Variants in FHIP1A observed in about 807,000 individuals in gnomAD.
The protein encoded by FHIP1A is FHF complex subunit HOOK-interacting protein 1A.
In FHIP1A, 61 loss-of-function variants were observed where a neutral mutation model predicts 88.6. The ratio of observed to expected loss-of-function variants is 0.69; its 90% confidence interval spans 0.56 to 0.85. The LOEUF (loss-of-function observed/expected upper bound fraction) is 0.85. Among genes scored for constraint, FHIP1A ranks in the 40% least tolerant of loss-of-function variants. The pLI is 0.00. For synonymous variants in FHIP1A, 478 were observed against 496.0 expected (o/e 0.96, Z 0.48); for missense variants, 1,154 against 1,273.5 (o/e 0.91, Z 1.43).
intron 5 of FHIP1A, among the ~76,000 whole-genome samples, chr4:151,578,933 G>C (rs1733921258): frequency 6.6e-6 from 1 of 152,136 alleles, no homozygotes; most frequent in Non-Finnish European, 1.5e-5. Context: ...AAATGAGCTG[G>C]TAAGCCATGA....
intron 1 of FHIP1A, among the ~76,000 whole-genome samples, chr4:151,414,875 T>C (rs186218836): frequency 1.8e-3 from 280 of 152,344 alleles, no homozygotes; most frequent in Non-Finnish European, 3.2e-3. Flanking sequence ...TGATACATAT[T>C]ATTCAAATTC....
intron 9 of FHIP1A, among the ~76,000 whole-genome samples, chr4:151,645,189 G>A (rs1736744216): frequency 6.6e-6 from 1 of 152,134 alleles, no homozygotes; most frequent in South Asian, 2.1e-4. Context: ...CTGACAGCAG[G>A]TTCAAAATAT....
Position 151,574,044 on chromosome 4 carries a change from C to T in FHIP1A, c.106-3406C>T, listed in dbSNP as rs142681147. 4.6e-5 allele frequency among the ~76,000 whole-genome samples: 7 copies of T among 152,164 alleles called. No individual in the cohort carries two copies. In the East Asian group the frequency reaches 5.8e-4, roughly 13 times the overall value. On this transcript the variant is annotated intron_variant, in intron 4 of 13. Transcript: ENST00000435205. ...GTCCCAAGGTTGGGCCACCAGAGCC[C>T]GCTTGTAAAAGCAGGTCATGGGTGT...
At chr4:151,486,251 C>G (rs1730078144) in intron 3 of FHIP1A, among the ~76,000 whole-genome samples, 1 of 152,080 alleles carries the variant, frequency 6.6e-6, no homozygotes, top group Admixed American at 6.5e-5. Context: ...TTGGGGACCC[C>G]CTGCTCTAGG....
At chr4:151,501,923 A>G (rs1317060589) in intron 3 of FHIP1A, among the ~76,000 whole-genome samples, 1 of 151,822 alleles carries the variant, frequency 6.6e-6, no homozygotes, top group Non-Finnish European at 1.5e-5. Context: ...GAAAAACAGA[A>G]ATGGACAGAA....
rs1055104300 is a variant in FHIP1A at position 151,668,453 on chromosome 4, T to G, written c.*5699T>G. On this transcript the variant is annotated 3_prime_UTR_variant, in exon 14 of 14. Coordinates refer to ENST00000435205, the MANE Select transcript of FHIP1A (RefSeq NM_001109977.3). ...ATTATTTTAGCAATAATTACTAAAA[T>G]GTACATGGGGTGGGGGAGCTCAGCT... is the stretch of plus-strand genomic sequence containing the variant. Among the ~76,000 whole-genome samples the G allele has an allele frequency of 2.6e-5, 4 of 152,180 alleles. No homozygotes were observed. The highest frequency in any genetic ancestry group is 5.9e-5 in the Non-Finnish European group (4 of 68,034).
chr4:151,613,404 A>G (rs1369166286), intron 7 of FHIP1A, among the ~76,000 whole-genome samples: 2 of 152,318 alleles, frequency 1.3e-5, no homozygotes, highest in African/African-American at 4.8e-5. Context: ...GTGGTAGAAG[A>G]CAATATCTGT....
At chr4:151,592,715 G>A (rs1057283295) in intron 7 of FHIP1A, among the ~76,000 whole-genome samples, 2 of 152,078 alleles carry the variant, frequency 1.3e-5, no homozygotes, top group East Asian at 3.9e-4. Context: ...TGTAGGTTGC[G>A]TGTTCACTCT....
At position 151,662,715 on chromosome 4, in the gene FHIP1A, C is replaced by T. The variant is rs374404250; in HGVS notation, c.3084C>T (p.Cys1028=). The T allele has an allele frequency of 3.9e-6, 6 of 1,546,672 alleles. No homozygotes were observed. The Middle Eastern group carries it at 5.0e-4, about 130-fold the overall frequency. ...TGGCCCAGGAACACTCCATTCTGTGCTACAAGATCTTGGGTGACTTTGAGG... is the reference window on the plus strand; with the variant it reads ...TGGCCCAGGAACACTCCATTCTGTGTTACAAGATCTTGGGTGACTTTGAGG... ...AALAQEHSIL[C]YKILGDFEDS... is the part of the protein sequence containing the mutation. The change falls in exon 14 of 14, where the codon TGC becomes TGT. Residue 1028 remains cysteine, a synonymous_variant. Transcript: ENST00000435205.
chr4:151,657,339 C>G (rs1171175551), intron 13 of FHIP1A, among the ~76,000 whole-genome samples: 1 of 151,950 alleles, frequency 6.6e-6, no homozygotes, highest in Non-Finnish European at 1.5e-5. Flanking sequence ...TGCTTTAGGG[C>G]CCTAGGAGGT....
At chr4:151,481,751 G>A (rs1310601013) in intron 2 of FHIP1A, among the ~76,000 whole-genome samples, 2 of 152,020 alleles carry the variant, frequency 1.3e-5, no homozygotes, top group Non-Finnish European at 2.9e-5. Flanking sequence ...ATCAAATAGT[G>A]GCTTCTTGTG....
At chr4:151,561,146 C>G (rs1472705433) in intron 3 of FHIP1A, among the ~76,000 whole-genome samples, 1 of 152,056 alleles carries the variant, frequency 6.6e-6, no homozygotes, top group African/African-American at 2.4e-5. Flanking sequence ...ATGTATTTTC[C>G]AAAGCTGGAA....
rs1491360195 is a variant in FHIP1A, at chr4:151,661,409, T to TTG, written c.2870-1091_2870-1090insGT. Among the ~76,000 whole-genome samples, 342 of 85,890 alleles carry TTG rather than the reference T, an allele frequency of 4.0e-3. 2 individuals carry two copies. Among genetic ancestry groups the TTG allele is most frequent in the African/African-American group, 0.022 (332 of 15,246 alleles). 56.3% of individuals were successfully genotyped at this position (85,890 alleles called of 152,430 possible). On this transcript the variant is annotated intron_variant, in intron 13 of 13. Coordinates refer to ENST00000435205, the MANE Select transcript of FHIP1A (RefSeq NM_001109977.3). ...ATTTAAAGCAGTCAAGTGGAAGTTG[T>TTG]TTTTTTTTTTTTTTTTTAACACTAA...
chr4:151,478,200 T>G (rs1442080536), intron 2 of FHIP1A, among the ~76,000 whole-genome samples: 1 of 152,194 alleles, frequency 6.6e-6, no homozygotes, highest in Non-Finnish European at 1.5e-5. Flanking sequence ...GTGAATTCTC[T>G]TTAGGTACCA....
intron 1 of FHIP1A, among the ~76,000 whole-genome samples, chr4:151,435,987 T>G (rs944599006): frequency 1.3e-5 from 2 of 152,190 alleles, no homozygotes; most frequent in African/African-American, 4.8e-5. Context: ...TGTGATTTAA[T>G]TTGTATAAGA....
chr4:151,644,671 A>T (rs563221907), intron 9 of FHIP1A, among the ~76,000 whole-genome samples: 2 of 152,240 alleles, frequency 1.3e-5, no homozygotes, highest in African/African-American at 2.4e-5. Flanking sequence ...GGAGTCTTAA[A>T]TATATGCATG....
intron 3 of FHIP1A, among the ~76,000 whole-genome samples, chr4:151,515,490 A>G (rs1436992764): frequency 6.6e-5 from 10 of 152,112 alleles, no homozygotes; most frequent in Non-Finnish European, 1.3e-4. Flanking sequence ...AGGGTATTCA[A>G]TTAGGAAAAG....
intron 3 of FHIP1A, among the ~76,000 whole-genome samples, chr4:151,504,599 TATGTTATGTC>T (rs142097723): frequency 0.35 from 51,612 of 145,746 alleles, 9,222 homozygotes; most frequent in Non-Finnish European, 0.4. Context: ...TATGTTATGT[TATGTTATGTC>T]ATGTTATGTT....
At chr4:151,468,284 CAAAAAA>C (rs921242622) in intron 2 of FHIP1A, among the ~76,000 whole-genome samples, 3 of 38,324 alleles carry the variant, frequency 7.8e-5, no homozygotes, top group Non-Finnish European at 1.1e-4. Flanking sequence ...GACTCCATCT[CAAAAAA>C]AAAAAAAAAA....
Sources: allele counts gnomAD v4.1 joint callset (sites outside exome capture counted in the v4.1 genomes callset), GRCh38; gene constraint gnomAD v4.1.1; transcripts MANE v1.5; gene names NCBI Gene and HGNC (gene_info 2026-07-23, HGNC 2026-07-21).